ATRN: variants seen among roughly 807,000 people sequenced by gnomAD.
The protein encoded by ATRN is attractin.
Under a neutral mutation model 178.7 loss-of-function variants are expected in ATRN, and 54 were observed. The observed-to-expected ratio is 0.30, with a 90% CI of 0.24 to 0.38. ATRN has a LOEUF of 0.38. ATRN is among the 10% of genes least tolerant of loss of function. The pLI, the probability that ATRN is intolerant of heterozygous loss-of-function variation, is 1.00. For synonymous variants in ATRN, 636 were observed against 663.0 expected, an observed-to-expected ratio of 0.96 and a Z score of 0.63; for missense variants, 1,443 against 1,815.1, an observed-to-expected ratio of 0.79 and a Z score of 3.73.
chr20:3,488,640 TAA>T (rs753011334), intron 1 of ATRN, among the ~76,000 whole-genome samples: 15 of 152,336 alleles, frequency 9.8e-5, no homozygotes, highest in Non-Finnish European at 1.5e-4. Flanking sequence ...GGATTTATGT[TAA>T]GTCACCTTAC....
chr20:3,534,565 C>T (rs759089716), intron 1 of ATRN, among the ~76,000 whole-genome samples: 8 of 152,078 alleles, frequency 5.3e-5, no homozygotes, highest in East Asian at 1.9e-4. Context: ...GATCCAGAAG[C>T]GAGCATGTGT....
At chr20:3,488,222 G>A (rs888457649) in intron 1 of ATRN, among the ~76,000 whole-genome samples, 2 of 152,056 alleles carry the variant, frequency 1.3e-5, no homozygotes, top group Non-Finnish European at 2.9e-5. Context: ...GTAGTGAAAT[G>A]TATTGATTTT....
chr20:3,610,898 C>A (rs2086755087), intron 24 of ATRN, among the ~76,000 whole-genome samples: 1 of 151,880 alleles, frequency 6.6e-6, no homozygotes, highest in Non-Finnish European at 1.5e-5. Context: ...GCCCAGCCCC[C>A]AGCTGATTTT....
At chr20:3,630,939 T>TGGGA (rs1568774677) in intron 25 of ATRN, among the ~76,000 whole-genome samples, 31 of 51,410 alleles carry the variant, frequency 6.0e-4, no homozygotes, top group East Asian at 2.1e-3. Flanking sequence ...TTTTTTTTTT[T>TGGGA]TTTTTTTTTT....
At chr20:3,483,679 TA>T (rs2084652907) in intron 1 of ATRN, among the ~76,000 whole-genome samples, 2 of 152,314 alleles carry the variant, frequency 1.3e-5, no homozygotes, top group Non-Finnish European at 2.9e-5. Flanking sequence ...TCTTTTTGCA[TA>T]CATGTGTGAT....
At chr20:3,490,169 T>G in intron 1 of ATRN, 2 of 1,503,282 alleles carry the variant, frequency 1.3e-6, no homozygotes, top group South Asian at 2.3e-5. Flanking sequence ...TACTGAATAG[T>G]CTCTGGGCTT....
At chr20:3,559,277 C>G (rs1209616714) in intron 6 of ATRN, 116 bp from the exon 7 acceptor site, 5 of 775,422 alleles carry the variant, frequency 6.4e-6, no homozygotes, top group Non-Finnish European at 9.0e-6. Context: ...CAAGTGCCCC[C>G]CTACATCCAT....
chr20:3,511,264 A>G (rs2085123255), intron 1 of ATRN, among the ~76,000 whole-genome samples: 1 of 152,204 alleles, frequency 6.6e-6, no homozygotes, highest in Admixed American at 6.5e-5. Flanking sequence ...AAACAGGTAC[A>G]GAAGCGAGGA....
chr20:3,490,593 G>T, intron 1 of ATRN: 1 of 1,051,572 alleles, frequency 9.5e-7, no homozygotes, highest in Non-Finnish European at 1.5e-6. Flanking sequence ...AACAGTCACG[G>T]AGATCGAGGT....
At chr20:3,528,275 G>A (rs1388705988) in intron 1 of ATRN, among the ~76,000 whole-genome samples, 1 of 151,938 alleles carries the variant, frequency 6.6e-6, no homozygotes, top group Non-Finnish European at 1.5e-5. Context: ...GGCTGAGGCA[G>A]AGAATTGCTG....
At chr20:3,565,556 A>G (rs2086021593) in intron 11 of ATRN, 124 bp downstream of exon 11, 1 of 741,574 alleles carries the variant, frequency 1.3e-6, no homozygotes, top group Non-Finnish European at 2.3e-6. Context: ...ATACGAGGTC[A>G]GGAGATCAAG....
chr20:3,473,486 G>C (rs773225453), intron 1 of ATRN, among the ~76,000 whole-genome samples: 44 of 152,252 alleles, frequency 2.9e-4, no homozygotes, highest in Non-Finnish European at 5.0e-4. Flanking sequence ...GCCAGGCCAA[G>C]TGGAGATCTG....
At chr20:3,506,326 T>G (rs1273206170) in intron 1 of ATRN, among the ~76,000 whole-genome samples, 1 of 152,040 alleles carries the variant, frequency 6.6e-6, no homozygotes, top group African/African-American at 2.4e-5. Flanking sequence ...AAGAAGACAT[T>G]AAAAGTAAAT....
intron 1 of ATRN, among the ~76,000 whole-genome samples, chr20:3,522,849 CAGAA>C (rs1473478830): frequency 1.3e-5 from 2 of 152,076 alleles, no homozygotes; most frequent in Non-Finnish European, 2.9e-5. Flanking sequence ...AACTAACAAA[CAGAA>C]AGGAATAGGA....
At chr20:3,475,288 C>A (rs1033039516) in intron 1 of ATRN, among the ~76,000 whole-genome samples, 1 of 152,038 alleles carries the variant, frequency 6.6e-6, no homozygotes, top group Non-Finnish European at 1.5e-5. Flanking sequence ...CGTAGGCTAA[C>A]GAGGAGTGGA....
chr20:3,540,628 A>G (rs151523), intron 3 of ATRN, among the ~76,000 whole-genome samples: 40,668 of 152,138 alleles, frequency 0.27, 6,003 homozygotes, highest in African/African-American at 0.33. Flanking sequence ...GAAGTTTATC[A>G]TTACAAAATG....
chr20:3,479,496 TAG>T (rs1365004224), intron 1 of ATRN, among the ~76,000 whole-genome samples: 1 of 152,178 alleles, frequency 6.6e-6, no homozygotes, highest in Admixed American at 6.5e-5. Context: ...CTGAGAGGTT[TAG>T]TGTGAGTAGA....
At chr20:3,576,679 A>ATCGGTCTG (rs2086214004) in intron 13 of ATRN, among the ~76,000 whole-genome samples, 180 bp from the exon 14 acceptor site, 4 of 142,334 alleles carry the variant, frequency 2.8e-5, no homozygotes, top group African/African-American at 1.0e-4. Flanking sequence ...TTATCTATCT[A>ATCGGTCTG]TCTGTCTGTC....
In ATRN at chr20:3,602,586, A is replaced by G. The variant is rs148591502; in HGVS notation, c.3644-1519A>G. On this transcript the variant is annotated intron_variant, in intron 23 of 28. Transcript: ENST00000262919. Reference sequence around the variant, plus strand: ...ATTGTGTAGAATTTGAGAAAAGTTCAGAAACTCTCAATGAGGAGGGACTTT... The same window carrying G: ...ATTGTGTAGAATTTGAGAAAAGTTCGGAAACTCTCAATGAGGAGGGACTTT... Among the ~76,000 whole-genome samples the G allele has an allele frequency of 3.5e-3, 534 of 152,306 alleles. 9 individuals carry two copies. The highest frequency in any genetic ancestry group is 0.027 in the Admixed American group (407 of 15,292).
Sources: allele counts gnomAD v4.1 joint callset (sites outside exome capture counted in the v4.1 genomes callset), GRCh38; gene constraint gnomAD v4.1.1; transcripts MANE v1.5; gene names NCBI Gene and HGNC (gene_info 2026-07-23, HGNC 2026-07-21).